GRB2: variants seen among roughly 807,000 people sequenced by gnomAD.
The protein encoded by GRB2 is growth factor receptor-bound protein 2.
Under a neutral mutation model 27.4 loss-of-function variants are expected in GRB2, and 2 were observed. That is an observed-to-expected ratio of 0.07 (90% CI 0.03 to 0.23). The LOEUF is 0.23. Among genes scored for constraint, GRB2 ranks in the 10% least tolerant of loss-of-function variants. The pLI, the probability that GRB2 is intolerant of heterozygous loss-of-function variation, is 1.00. For synonymous variants in GRB2, 94 were observed against 99.6 expected, an observed-to-expected ratio of 0.94 and a Z score of 0.33; for missense variants, 102 against 282.4, an observed-to-expected ratio of 0.36 and a Z score of 4.58.
At chr17:75,338,755 G>T in intron 2 of GRB2, 1 of 570,530 alleles carries the variant, frequency 1.8e-6, no homozygotes, top group Admixed American at 2.9e-5. Flanking sequence ...TAAGAGATGA[G>T]GAATGAGGTG....
chr17:75,329,156 C>G, intron 3 of GRB2, among the ~76,000 whole-genome samples: 1 of 151,946 alleles, frequency 6.6e-6, no homozygotes, highest in African/African-American at 2.4e-5. Flanking sequence ...CCCCACACTC[C>G]CCACCACTGC....
chr17:75,324,844 G>C (rs1385402892), intron 4 of GRB2, among the ~76,000 whole-genome samples: 1 of 152,122 alleles, frequency 6.6e-6, no homozygotes, highest in Non-Finnish European at 1.5e-5. Context: ...GGGAGGTCGA[G>C]GTGGGTGGAT....
rs61757944 is a variant in GRB2, at chr17:75,320,964, C to T, written c.469-411G>A. 4.3e-3 allele frequency among the ~76,000 whole-genome samples: 652 copies of T among 152,184 alleles called. 6 individuals are homozygous for T. Among genetic ancestry groups the T allele is most frequent in the African/African-American group, 0.015 (616 of 41,504 alleles). On this transcript the variant is annotated intron_variant, in intron 5 of 5. Coordinates refer to ENST00000316804, the MANE Select transcript of GRB2 (RefSeq NM_002086.5). The surrounding 1 kb of genome is among the most constrained non-coding windows in gnomAD (Gnocchi z 4.3). Reference sequence around the variant, plus strand: ...TCTGGAGCTCGAATAACATAAGGGGCTCTAACCGTAACTTACGACCAGGGC... The same window carrying T: ...TCTGGAGCTCGAATAACATAAGGGGTTCTAACCGTAACTTACGACCAGGGC...
chr17:75,346,790 C>T (rs1335082676), intron 2 of GRB2, among the ~76,000 whole-genome samples: 1 of 152,036 alleles, frequency 6.6e-6, no homozygotes, highest in South Asian at 2.1e-4. Context: ...AGGCTAGTCT[C>T]AAACTCCTAA....
intron 3 of GRB2, among the ~76,000 whole-genome samples, chr17:75,328,093 T>A (rs2078511991): frequency 6.6e-6 from 1 of 151,156 alleles, no homozygotes; most frequent in Non-Finnish European, 1.5e-5. Context: ...GAGGCTGAGG[T>A]GGGGTGAATC....
At chr17:75,325,436 A>G (rs56160476) in intron 4 of GRB2, among the ~76,000 whole-genome samples, 10 of 152,230 alleles carry the variant, frequency 6.6e-5, no homozygotes, top group Non-Finnish European at 1.3e-4. Context: ...TCACACCTGA[A>G]CTTTCCACCG....
At chr17:75,404,952 TTCAAATAGTTTTTTTTTTTAAGTG>T (rs923212640) in intron 1 of GRB2, 2 of 107,784 alleles carry the variant, frequency 1.9e-5, no homozygotes, top group African/African-American at 5.0e-5. Flanking sequence ...ACAAATATTT[TTCAAATAGTTTTTTTTTTTAAGTG>T]TCAGAATAAA....
chr17:75,335,033 G>A (rs1286699357), intron 2 of GRB2, among the ~76,000 whole-genome samples: 1 of 151,894 alleles, frequency 6.6e-6, no homozygotes, highest in Non-Finnish European at 1.5e-5. Context: ...TTGAACTCCT[G>A]CGCTCAAGTA....
At chr17:75,349,732 C>A (rs1292987687) in intron 2 of GRB2, among the ~76,000 whole-genome samples, 1 of 151,916 alleles carries the variant, frequency 6.6e-6, no homozygotes, top group Non-Finnish European at 1.5e-5. Context: ...TTTGGCCAAG[C>A]TGGTCTTGAA....
intron 2 of GRB2, among the ~76,000 whole-genome samples, chr17:75,336,742 T>G (rs1279739464): frequency 2.0e-5 from 3 of 152,198 alleles, no homozygotes; most frequent in African/African-American, 7.2e-5. Flanking sequence ...AATGTAATTT[T>G]TTTTTTTGAG....
Position 75,337,904 on chromosome 17 carries a change from T to TACTACTACTACTAC in GRB2, c.79-5108_79-5107insGTAGTAGTAGTAGT, listed in dbSNP as rs758924250. 5.8e-3 allele frequency among the ~76,000 whole-genome samples: 605 copies of TACTACTACTACTAC among 103,424 alleles called. 3 individuals carry two copies. Among genetic ancestry groups the TACTACTACTACTAC allele is most frequent in the Non-Finnish European group, 8.5e-3 (430 of 50,306 alleles). The allele number at this position is 103,424 out of a possible 152,430, so 67.9% of individuals were successfully genotyped here. A position where few individuals can be genotyped will look rare whatever the true frequency, so the allele number is the denominator to read the frequency against. ...ACTACTACTACTACTACTACTACTA[T>TACTACTACTACTAC]TATTATTATTATTATTATTATTATT... On this transcript the variant is annotated intron_variant, in intron 2 of 5. Coordinates refer to ENST00000316804, the MANE Select transcript of GRB2 (RefSeq NM_002086.5).
At chr17:75,380,091 T>A (rs2078918120) in intron 2 of GRB2, among the ~76,000 whole-genome samples, 1 of 152,256 alleles carries the variant, frequency 6.6e-6, no homozygotes, top group Admixed American at 6.5e-5. Context: ...GTTTCTAGTT[T>A]ATCTTATTAG....
chr17:75,359,953 G>A (rs73358253), intron 2 of GRB2, among the ~76,000 whole-genome samples: 4,592 of 151,082 alleles, frequency 0.03, 229 homozygotes, highest in African/African-American at 0.1. Context: ...GGAAAAAGTG[G>A]TGTGTTACAA....
intron 2 of GRB2, among the ~76,000 whole-genome samples, chr17:75,377,959 G>A (rs1310519270): frequency 6.6e-6 from 1 of 152,144 alleles, no homozygotes; most frequent in Non-Finnish European, 1.5e-5. Flanking sequence ...CTTTCACCTT[G>A]TGACAGACTT....
intron 2 of GRB2, among the ~76,000 whole-genome samples, chr17:75,373,974 T>C (rs2078873931): frequency 6.6e-6 from 1 of 151,836 alleles, no homozygotes; most frequent in Non-Finnish European, 1.5e-5. Context: ...TTTTTGCATT[T>C]TTAGTAGAGA....
rs8075059 is a variant in GRB2, at chr17:75,367,130, G to A, written c.78+26421C>T. Among the ~76,000 whole-genome samples the A allele has an allele frequency of 8.4e-3, 1,278 of 152,140 alleles. 21 individuals are homozygous for A. Among genetic ancestry groups the A allele is most frequent in the African/African-American group, 0.03 (1,227 of 41,512 alleles). ...CAATTCAGAAAGTCTATGGTAATGG[G>A]ATCTAGTGTTGTCACAAAGGTTATA... On this transcript the variant is annotated intron_variant, in intron 2 of 5. Coordinates refer to ENST00000316804, the MANE Select transcript of GRB2 (RefSeq NM_002086.5).
At chr17:75,386,800 C>T (rs1453443781) in intron 2 of GRB2, among the ~76,000 whole-genome samples, 1 of 152,202 alleles carries the variant, frequency 6.6e-6, no homozygotes, top group Non-Finnish European at 1.5e-5. Flanking sequence ...CAAACTTCAC[C>T]TCTGTCACTT....
At chr17:75,385,812 T>C (rs1225614395) in intron 2 of GRB2, among the ~76,000 whole-genome samples, 2 of 152,228 alleles carry the variant, frequency 1.3e-5, no homozygotes, top group African/African-American at 4.8e-5. Context: ...CATTTAAACG[T>C]TTCTCTGTGC....
chr17:75,402,740 C>T (rs199906406), intron 1 of GRB2, among the ~76,000 whole-genome samples: 117 of 152,264 alleles, frequency 7.7e-4, no homozygotes, highest in African/African-American at 2.7e-3. Context: ...TTAAAATTTG[C>T]ATTCCAGATA....
Sources: gnomAD v4.1 joint callset for allele counts (sites outside exome capture counted in the v4.1 genomes callset) on GRCh38, gnomAD v4.1.1 for gene constraint, Gnocchi (gnomAD v3.1) non-coding constraint, MANE v1.5 for transcripts, NCBI Gene and HGNC (gene_info 2026-07-23, HGNC 2026-07-21) for gene names.